FBLN2: variants seen among roughly 807,000 people sequenced by gnomAD.
The protein encoded by FBLN2 is fibulin-2.
Under a neutral mutation model 123.7 loss-of-function variants are expected in FBLN2, and 81 were observed. The observed-to-expected ratio is 0.65, with a 90% confidence interval of 0.55 to 0.79. The LOEUF (loss-of-function observed/expected upper bound fraction) is 0.79. Ranked by LOEUF, FBLN2 falls within the 30% of genes least tolerant of loss-of-function variation. The probability of loss-of-function intolerance (pLI) is 0.00; values close to 1 mark genes in which losing one functional copy is unlikely to be tolerated. For synonymous variants in FBLN2, 699 were observed against 701.4 expected (o/e 1.00, Z 0.05); for missense variants, 1,603 against 1,681.3 (o/e 0.95, Z 0.81).
At chr3:13,622,032 C>A in intron 9 of FBLN2, 117 bp downstream of exon 9, 1 of 1,212,506 alleles carries the variant, frequency 8.2e-7, no homozygotes, top group Non-Finnish European at 1.1e-6. Flanking sequence ...GAGCTCTCAG[C>A]ACAGCCGGCA....
At chr3:13,586,844 T>TAA (rs112752854) in intron 2 of FBLN2, among the ~76,000 whole-genome samples, 3 of 144,904 alleles carry the variant, frequency 2.1e-5, no homozygotes, top group African/African-American at 7.5e-5. Context: ...ATTTAAAAGT[T>TAA]AAAAAAAAAA....
Position 13,638,353 on chromosome 3 carries a change from TATA to T in FBLN2, c.*436_*438del. ...ACTATAAAGTAGTACATGTACATTATATAAAAAAAAGTTCAACTAGTATGAAAG... is the reference window on the plus strand; with the variant it reads ...ACTATAAAGTAGTACATGTACATTATAAAAAAAGTTCAACTAGTATGAAAG... On this transcript the variant is annotated 3_prime_UTR_variant, in exon 18 of 18. Coordinates refer to ENST00000404922, the MANE Select transcript of FBLN2 (RefSeq NM_001004019.2). 7 of 288,024 alleles carry T rather than the reference TATA, an allele frequency of 2.4e-5. No individual in the cohort carries two copies. The highest frequency in any genetic ancestry group is 1.4e-4 in the East Asian group (1 of 7,064). The allele number at this position is 288,024 out of a possible 1,614,324, so 17.8% of individuals were successfully genotyped here.
chr3:13,597,694 G>T (rs1704891708), intron 2 of FBLN2, among the ~76,000 whole-genome samples: 1 of 152,236 alleles, frequency 6.6e-6, no homozygotes, highest in Non-Finnish European at 1.5e-5. Flanking sequence ...AGGGTCGTGG[G>T]TGTGGCGCCT....
At chr3:13,554,353 C>T (rs1703407390) in intron 1 of FBLN2, among the ~76,000 whole-genome samples, 1 of 152,230 alleles carries the variant, frequency 6.6e-6, no homozygotes, top group Admixed American at 6.5e-5. Flanking sequence ...GAGTTCTTCC[C>T]TCCTTAGCCT....
intron 4 of FBLN2, 50 bp downstream of exon 4, chr3:13,609,692 G>GGGGGGGGGGGGGGGGGC: frequency 2.0e-6 from 1 of 508,392 alleles, no homozygotes; most frequent in Non-Finnish European, 3.8e-6. Flanking sequence ...GGCGGGGCGG[G>GGGGGGGGGGGGGGGGGC]AGGCTGGCCT....
intron 1 of FBLN2, among the ~76,000 whole-genome samples, chr3:13,566,262 G>A (rs1703744423): frequency 6.6e-6 from 1 of 152,198 alleles, no homozygotes; most frequent in Admixed American, 6.5e-5. Context: ...GAGCTCCCAG[G>A]AGGGGCATGT....
Position 13,571,035 on chromosome 3 carries a change from G to T in FBLN2, c.680G>T (p.Gly227Val), listed in dbSNP as rs865816597. Residue 227 changes from glycine (G) to valine (V), a missense_variant, in exon 2 of 18, where the codon GGC (glycine) becomes GTC (valine). Gly to Val is a moderately radical substitution (Grantham distance 109). Transcript: ENST00000404922. ...GGTGCAGTCCAGGCAGGCGCAGGGG[G>T]CCCCCCAGCTGCTCTGGGAGGTGGG... ...QAGAVQAGAG[G>V]PPAALGGGSQ... 1 of 1,572,532 alleles carries T rather than the reference G, an allele frequency of 6.4e-7. No homozygotes were observed. Among genetic ancestry groups the T allele is most frequent in the Admixed American group, 1.9e-5 (1 of 53,158 alleles).
Position 13,629,932 on chromosome 3 carries a change from C to G in FBLN2, c.2955C>G (p.Gly985=), listed in dbSNP as rs1706196732. 1 of 1,610,352 alleles carries G rather than the reference C, an allele frequency of 6.2e-7. No individual in the cohort carries two copies. The highest frequency in any genetic ancestry group is 1.7e-5 in the Admixed American group (1 of 59,694). ...CCGGGTTCCTGCTAGCAGCGGACGG[C>G]AAGCGCTGTGAAGGTAGGCTGGCCC... is the stretch of plus-strand genomic sequence containing the variant. ...CASGFLLAAD[G]KRCEDVNECE... The change falls in exon 14 of 18, where the codon GGC becomes GGG. Residue 985 remains glycine, a synonymous_variant. Transcript: ENST00000404922.
intron 4 of FBLN2, among the ~76,000 whole-genome samples, chr3:13,611,178 C>T (rs1705380948): frequency 6.6e-6 from 1 of 152,090 alleles, no homozygotes; most frequent in Non-Finnish European, 1.5e-5. Flanking sequence ...AACTCCTGAC[C>T]TCAAATGATC....
intron 2 of FBLN2, among the ~76,000 whole-genome samples, chr3:13,572,078 T>C (rs975722705): frequency 6.6e-6 from 1 of 152,222 alleles, no homozygotes; most frequent in Admixed American, 6.5e-5. Context: ...CCTAGGAGCC[T>C]AGCATGGCCA....
At chr3:13,626,270 T>C (rs1034613360) in intron 9 of FBLN2, among the ~76,000 whole-genome samples, 175 bp from the exon 10 acceptor site, 70 of 152,240 alleles carry the variant, frequency 4.6e-4, no homozygotes, top group Non-Finnish European at 2.9e-5. Context: ...TCAATAAATC[T>C]TTGTTGAATG....
chr3:13,634,882 G>T (rs1333764190), intron 16 of FBLN2, among the ~76,000 whole-genome samples: 1 of 152,256 alleles, frequency 6.6e-6, no homozygotes, highest in Non-Finnish European at 1.5e-5. Context: ...CGTGGGGTTG[G>T]CGTGGGTGCA....
At chr3:13,630,000 C>G in intron 14 of FBLN2, 55 bp downstream of exon 14, 1 of 1,595,616 alleles carries the variant, frequency 6.3e-7, no homozygotes, top group South Asian at 1.1e-5. Context: ...AGTGGGCAGA[C>G]CCGCCGTGGA....
chr3:13,590,601 C>G (rs1430056869), intron 2 of FBLN2, among the ~76,000 whole-genome samples: 1 of 151,858 alleles, frequency 6.6e-6, no homozygotes, highest in Non-Finnish European at 1.5e-5. Context: ...GCTGGGATTA[C>G]AGGCGTGAGC....
intron 2 of FBLN2, among the ~76,000 whole-genome samples, chr3:13,581,732 C>T (rs113759503): frequency 3.9e-4 from 60 of 152,290 alleles, no homozygotes; most frequent in African/African-American, 1.4e-3. Flanking sequence ...CCACCAAGCC[C>T]CAGACCCCGT....
At chr3:13,607,315 G>GA (rs11425999) in intron 2 of FBLN2, among the ~76,000 whole-genome samples, 69,798 of 151,258 alleles carry the variant, frequency 0.46, 16,578 homozygotes, top group African/African-American at 0.59. Flanking sequence ...GTAAGCTTGA[G>GA]AAAAAAAAAT....
intron 2 of FBLN2, among the ~76,000 whole-genome samples, chr3:13,574,948 A>G (rs1704086921): frequency 6.6e-6 from 1 of 152,104 alleles, no homozygotes. Context: ...CATCCCTGTA[A>G]CGCCCTCCTC....
chr3:13,608,846 C>A (rs1035197083), intron 3 of FBLN2, among the ~76,000 whole-genome samples: 2 of 152,142 alleles, frequency 1.3e-5, no homozygotes, highest in East Asian at 1.9e-4. Flanking sequence ...TGGGATTAGA[C>A]CCCATGTTTC....
intron 1 of FBLN2, among the ~76,000 whole-genome samples, chr3:13,552,355 G>A (rs1703346366): frequency 3.9e-5 from 6 of 152,172 alleles, no homozygotes. Flanking sequence ...TGATGGATTG[G>A]AAGTGGAGTG....
Sources: gnomAD v4.1 joint callset for allele counts (sites outside exome capture counted in the v4.1 genomes callset) on GRCh38, gnomAD v4.1.1 for gene constraint, MANE v1.5 for transcripts, NCBI Gene and HGNC (gene_info 2026-07-23, HGNC 2026-07-21) for gene names.